Variants in MRPS31 observed in about 807,000 individuals in gnomAD.
MRPS31 encodes the protein mitochondrial ribosomal protein S31.
MRPS31 carries 32 observed loss-of-function variants against 43.1 expected under a neutral mutation model. That is an observed-to-expected ratio of 0.74 (90% confidence interval 0.56 to 1.00). The LOEUF is 1.00. Ranked by LOEUF, MRPS31 falls within the 50% of genes least tolerant of loss-of-function variation. MRPS31 has a pLI of 0.00. For missense variants in MRPS31, 437 were observed against 466.7 expected (o/e 0.94, Z 0.59); for synonymous variants, 165 against 161.6 (o/e 1.02, Z -0.16).
intron 4 of MRPS31, among the ~76,000 whole-genome samples, chr13:40,755,029 C>T (rs1014099654): frequency 3.3e-5 from 5 of 152,076 alleles, no homozygotes; most frequent in African/African-American, 4.8e-5. Flanking sequence ...AGCGAGACTC[C>T]GTCTCGAAGA....
At position 40,748,995 on chromosome 13, in the gene MRPS31, C is replaced by T. The variant is rs539904733; in HGVS notation, c.958+143G>A. On this transcript the variant is annotated intron_variant, in intron 6 of 6. Coordinates refer to ENST00000323563, the MANE Select transcript of MRPS31 (RefSeq NM_005830.4). Reference sequence around the variant, plus strand: ...AATTCCAACATCTTTTTTAAAAAACCTTGTCAGATTTATTTTAGGACACCA... The same window carrying T: ...AATTCCAACATCTTTTTTAAAAAACTTTGTCAGATTTATTTTAGGACACCA... 829 of 735,712 alleles carry T rather than the reference C, an allele frequency of 1.1e-3. 4 individuals are homozygous for T. In the African/African-American group the frequency reaches 0.012, roughly 11 times the overall value. 45.6% of individuals were successfully genotyped at this position (735,712 alleles called of 1,614,324 possible).
intron 6 of MRPS31, among the ~76,000 whole-genome samples, chr13:40,737,746 A>G (rs1156809424): frequency 3.9e-5 from 6 of 152,216 alleles, no homozygotes; most frequent in Non-Finnish European, 7.3e-5. Context: ...CAACGAGAAC[A>G]AAGACACAAC....
intron 4 of MRPS31, among the ~76,000 whole-genome samples, chr13:40,755,824 A>T (rs1212980184): frequency 6.6e-6 from 1 of 152,228 alleles, no homozygotes; most frequent in African/African-American, 2.4e-5. Flanking sequence ...AAATTATAAT[A>T]TACCATCCTA....
At chr13:40,744,739 T>G (rs908186384) in intron 6 of MRPS31, among the ~76,000 whole-genome samples, 6 of 152,142 alleles carry the variant, frequency 3.9e-5, no homozygotes, top group African/African-American at 1.2e-4. Flanking sequence ...CTCAGCCTCC[T>G]GAGTAGCTGG....
Position 40,767,078 on chromosome 13 carries a change from C to T in MRPS31, c.153-45G>A, listed in dbSNP as rs748870397. 2.7e-6 allele frequency: 4 copies of T among 1,463,748 alleles called. No homozygotes were observed. The South Asian group carries it at 5.3e-5, about 20-fold the overall frequency. 90.7% of individuals were successfully genotyped at this position (1,463,748 alleles called of 1,614,324 possible). A position where few individuals can be genotyped will look rare whatever the true frequency, so the allele number is the denominator to read the frequency against. ...AAAAAAATGAAAAATACAATGCAGT[C>T]TACAATAAAGTAAAAAACTTACTTA... is the stretch of plus-strand genomic sequence containing the variant. On this transcript the variant is annotated intron_variant, in intron 1 of 6. Coordinates refer to ENST00000323563, the MANE Select transcript of MRPS31 (RefSeq NM_005830.4).
chr13:40,752,419 A>T (rs1880416716), intron 5 of MRPS31: 1 of 152,192 alleles, frequency 6.6e-6, no homozygotes, highest in Non-Finnish European at 1.5e-5. Flanking sequence ...ATCATACACA[A>T]GAGAATGCAG....
At chr13:40,745,494 T>C (rs1460709693) in intron 6 of MRPS31, among the ~76,000 whole-genome samples, 1 of 152,132 alleles carries the variant, frequency 6.6e-6, no homozygotes, top group African/African-American at 2.4e-5. Context: ...TCAGGTGATA[T>C]ACCTGCCTCA....
intron 2 of MRPS31, 32 bp from the exon 3 acceptor site, chr13:40,759,138 GAA>G: frequency 6.7e-7 from 1 of 1,494,680 alleles, no homozygotes; most frequent in Non-Finnish European, 8.9e-7. Flanking sequence ...AAATGAGAAA[GAA>G]AAAAAAAGAG....
intron 6 of MRPS31, among the ~76,000 whole-genome samples, chr13:40,735,572 A>C (rs1346117902): frequency 6.6e-6 from 1 of 152,012 alleles, no homozygotes; most frequent in Non-Finnish European, 1.5e-5. Flanking sequence ...CCCAGCACGC[A>C]GCTGGAGATC....
At chr13:40,733,455 T>G (rs997498752) in intron 6 of MRPS31, among the ~76,000 whole-genome samples, 4 of 152,148 alleles carry the variant, frequency 2.6e-5, no homozygotes, top group African/African-American at 9.7e-5. Context: ...CAAGAAAATT[T>G]ACCCAGAATT....
intron 6 of MRPS31, among the ~76,000 whole-genome samples, chr13:40,735,356 G>A (rs1879861288): frequency 6.6e-6 from 1 of 152,210 alleles, no homozygotes; most frequent in Admixed American, 6.5e-5. Flanking sequence ...GCTGCGGGAG[G>A]GGCGCCCACC....
intron 4 of MRPS31, 84 bp downstream of exon 4, chr13:40,756,789 C>T: frequency 2.3e-6 from 3 of 1,279,888 alleles, no homozygotes; most frequent in Non-Finnish European, 3.3e-6. Context: ...AGCAATAATA[C>T]ACACACACAC....
At chr13:40,758,350 C>A (rs1291988356) in intron 3 of MRPS31, among the ~76,000 whole-genome samples, 1 of 152,196 alleles carries the variant, frequency 6.6e-6, no homozygotes, top group African/African-American at 2.4e-5. Flanking sequence ...TGAGCCAGCA[C>A]ACATGGCCAT....
intron 6 of MRPS31, among the ~76,000 whole-genome samples, chr13:40,730,261 G>A (rs867130582): frequency 3.3e-5 from 5 of 151,830 alleles, no homozygotes; most frequent in South Asian, 2.1e-4. Flanking sequence ...GGTGGCTCAC[G>A]CCTATAATCC....
At position 40,749,227 on chromosome 13, in the gene MRPS31, T is replaced by C; in HGVS notation, c.869A>G (p.Asn290Ser). The C allele has an allele frequency of 1.2e-6, 2 of 1,600,916 alleles. No individual in the cohort carries two copies. The highest frequency in any genetic ancestry group is 8.5e-7 in the Non-Finnish European group (1 of 1,177,060). The change falls in exon 6 of 7, where the codon AAT (asparagine) becomes AGT (serine). Residue 290 changes from asparagine to serine, a missense_variant. Transcript: ENST00000323563. ...AAATCCATTCTGAAGGGGTTGTTCATTTACTGTGGCTAACTGCTTAGCAAA... is the reference window on the plus strand; with the variant it reads ...AAATCCATTCTGAAGGGGTTGTTCACTTACTGTGGCTAACTGCTTAGCAAA... ...VEFAKQLATV[N>S]EQPLQNGFEE...
At chr13:40,768,439 AT>A (rs35658794) in intron 1 of MRPS31, among the ~76,000 whole-genome samples, 29 of 148,414 alleles carry the variant, frequency 2.0e-4, no homozygotes, top group Non-Finnish European at 2.2e-4. Context: ...ATGCATAAAA[AT>A]TTTTTTTTTT....
chr13:40,744,470 T>C (rs1344581191), intron 6 of MRPS31, among the ~76,000 whole-genome samples: 1 of 152,216 alleles, frequency 6.6e-6, no homozygotes, highest in Non-Finnish European at 1.5e-5. Context: ...AAAAATAATT[T>C]CCAATTCCCT....
At chr13:40,733,206 G>C (rs1295584753) in intron 6 of MRPS31, among the ~76,000 whole-genome samples, 1 of 151,968 alleles carries the variant, frequency 6.6e-6, no homozygotes, top group East Asian at 1.9e-4. Context: ...GTTTCACCAT[G>C]TTGGCCAGGC....
At chr13:40,752,571 T>G (rs1429234541) in intron 5 of MRPS31, among the ~76,000 whole-genome samples, 2 of 152,228 alleles carry the variant, frequency 1.3e-5, no homozygotes, top group African/African-American at 4.8e-5. Context: ...TTAAGACACC[T>G]AGTTCCTATG....
Sources: gnomAD v4.1 joint callset for allele counts (sites outside exome capture counted in the v4.1 genomes callset) on GRCh38, gnomAD v4.1.1 for gene constraint, MANE v1.5 for transcripts, NCBI Gene and HGNC (gene_info 2026-07-23, HGNC 2026-07-21) for gene names.